NINL: variants seen among roughly 807,000 people sequenced by gnomAD.
The protein encoded by NINL is ninein-like protein.
NINL carries 153 observed loss-of-function variants against 160.3 expected under a neutral mutation model. That is an observed-to-expected ratio of 0.95 (90% CI 0.84 to 1.09). NINL has a LOEUF of 1.09. Ranked by LOEUF, NINL falls within the 50% of genes least tolerant of loss-of-function variation. The probability of loss-of-function intolerance (pLI) is 0.00; values close to 1 mark genes in which losing one functional copy is unlikely to be tolerated. For missense variants in NINL, 1,829 were observed against 1,764.0 expected (o/e 1.04, Z -0.66); for synonymous variants, 800 against 734.8 (o/e 1.09, Z -1.43).
intron 19 of NINL, among the ~76,000 whole-genome samples, chr20:25,464,777 T>G (rs984013032): frequency 2.0e-5 from 3 of 152,206 alleles, no homozygotes; most frequent in African/African-American, 7.2e-5. Flanking sequence ...TGTTTCAGCC[T>G]CCTCAAATGT....
Position 25,476,445 on chromosome 20 carries a change from T to C in NINL, c.2846A>G (p.Asp949Gly). The C allele has an allele frequency of 6.2e-7, 1 of 1,607,908 alleles. No homozygotes were observed. Among genetic ancestry groups the C allele is most frequent in the Non-Finnish European group, 8.5e-7 (1 of 1,179,226 alleles). Reference sequence around the variant, plus strand: ...CATCCGTGGCTGGGTTTGCGAGGCGTCTCTCTCTGTTCCCAGCAGAGGCAG... The same window carrying C: ...CATCCGTGGCTGGGTTTGCGAGGCGCCTCTCTCTGTTCCCAGCAGAGGCAG... ...RELPLLGTER[D>G]ASQTQPRMWE... is the part of the protein sequence containing the mutation. The change falls in exon 17 of 24, where the codon GAC becomes GGC. Residue 949 changes from aspartate to glycine, a missense_variant. Asp to Gly is a moderately conservative substitution (Grantham distance 94). Coordinates refer to ENST00000278886, the MANE Select transcript of NINL (RefSeq NM_025176.6).
chr20:25,470,006 G>A lies in NINL; in HGVS notation c.3338C>T (p.Thr1113Ile), dbSNP rs145770114. ...VRQELEAAES[T>I]HDAQRKEIEV... ...TGGCCCTTACCTCTGTGCATCGTGAGTACTTTCTGCAGCTTCAAGCTCTTG... is the reference window on the plus strand; with the variant it reads ...TGGCCCTTACCTCTGTGCATCGTGAATACTTTCTGCAGCTTCAAGCTCTTG... The change falls in exon 18 of 24, where the codon ACT (threonine) becomes ATT (isoleucine). Residue 1113 changes from threonine to isoleucine, a missense_variant. Transcript: ENST00000278886. The A allele has an allele frequency of 6.2e-7, 1 of 1,614,014 alleles. No homozygotes were observed. Among genetic ancestry groups the A allele is most frequent in the Admixed American group, 1.7e-5 (1 of 60,036 alleles).
intron 1 of NINL, among the ~76,000 whole-genome samples, chr20:25,551,668 C>T (rs1226790209): frequency 6.6e-6 from 1 of 152,126 alleles, no homozygotes; most frequent in Non-Finnish European, 1.5e-5. Flanking sequence ...AACGGTTATT[C>T]TTATGAGGCT....
chr20:25,545,201 G>C (rs1219755901), intron 1 of NINL, among the ~76,000 whole-genome samples: 1 of 152,226 alleles, frequency 6.6e-6, no homozygotes, highest in Non-Finnish European at 1.5e-5. Context: ...CATGGGCCTT[G>C]AGCTGGTGCC....
At chr20:25,496,926 G>C in intron 9 of NINL, 123 bp from the exon 10 acceptor site, 1 of 1,280,122 alleles carries the variant, frequency 7.8e-7, no homozygotes, top group African/African-American at 1.5e-5. Flanking sequence ...TATACAGCGG[G>C]CACTGCTCCA....
In NINL at chr20:25,494,029, G is replaced by A. The variant is rs1601139116; in HGVS notation, c.1311-2504C>T. Among the ~76,000 whole-genome samples the A allele has an allele frequency of 2.0e-5, 3 of 151,990 alleles. No individual in the cohort carries two copies. In the South Asian group the frequency reaches 6.2e-4, roughly 32 times the overall value. On this transcript the variant is annotated intron_variant, in intron 10 of 23. Coordinates refer to ENST00000278886, the MANE Select transcript of NINL (RefSeq NM_025176.6). The stretch of plus-strand genomic sequence containing the variant: ...CACAGGAGCCAGTGGCACCAAGAAC[G>A]TACACTCCAGGGGGCCCACAGGCCG...
At chr20:25,558,584 AT>A (rs1336380559) in intron 1 of NINL, among the ~76,000 whole-genome samples, 1 of 152,250 alleles carries the variant, frequency 6.6e-6, no homozygotes, top group Non-Finnish European at 1.5e-5. Flanking sequence ...GACTAAGGTA[AT>A]TTGCAATGAT....
intron 16 of NINL, 138 bp downstream of exon 16, chr20:25,478,785 G>T: frequency 1.1e-6 from 1 of 883,106 alleles, no homozygotes; most frequent in South Asian, 2.0e-5. Context: ...TGTTCTTTTG[G>T]CACTCACCCA....
Position 25,557,871 on chromosome 20 carries a change from G to A in NINL, c.-12+27584C>T, listed in dbSNP as rs142228003. ...GGGCTGGGCGCAGTGGCTCACGCTT[G>A]TAATCCCAGCACTTTGGAAGGCCGA... On this transcript the variant is annotated intron_variant, in intron 1 of 23. Transcript: ENST00000278886. Among the ~76,000 whole-genome samples, 26 of 151,842 alleles carry A rather than the reference G, an allele frequency of 1.7e-4. No homozygotes were observed. The East Asian group carries it at 4.7e-3, about 27-fold the overall frequency.
At chr20:25,562,171 T>TA (rs2064951037) in intron 1 of NINL, among the ~76,000 whole-genome samples, 1 of 124,414 alleles carries the variant, frequency 8.0e-6, no homozygotes, top group African/African-American at 3.1e-5. Flanking sequence ...GGGAGGGAGG[T>TA]GGGGGGTCAG....
chr20:25,459,243 C>A lies in NINL; in HGVS notation c.3697-714G>T, dbSNP rs2090774363. 2.0e-5 allele frequency among the ~76,000 whole-genome samples: 3 copies of A among 152,160 alleles called. No individual in the cohort carries two copies. The South Asian group carries it at 6.2e-4, about 32-fold the overall frequency. ...CCATCGGGGTCATATTTGGGCTGGG[C>A]CTGACATCACCACATGGTGGAGGAA... is the stretch of plus-strand genomic sequence containing the variant. On this transcript the variant is annotated intron_variant, in intron 21 of 23. Coordinates refer to ENST00000278886, the MANE Select transcript of NINL (RefSeq NM_025176.6).
chr20:25,522,216 A>G (rs2064276612), intron 2 of NINL, among the ~76,000 whole-genome samples: 1 of 152,170 alleles, frequency 6.6e-6, no homozygotes, highest in African/African-American at 2.4e-5. Flanking sequence ...CCTATCGCAG[A>G]TTTTTTGACT....
intron 1 of NINL, among the ~76,000 whole-genome samples, chr20:25,531,077 T>C (rs1221315629): frequency 6.6e-6 from 1 of 152,176 alleles, no homozygotes; most frequent in Non-Finnish European, 1.5e-5. Context: ...AGGCCCACCC[T>C]CAGGGACGCA....
At chr20:25,532,914 C>A (rs1201274757) in intron 1 of NINL, among the ~76,000 whole-genome samples, 9 of 151,292 alleles carry the variant, frequency 5.9e-5, no homozygotes, top group African/African-American at 1.5e-4. Flanking sequence ...TCAAATACCC[C>A]ATGACCAACC....
chr20:25,498,278 G>C lies in NINL; in HGVS notation c.1101C>G (p.Leu367=). Residue 367 remains leucine (L), a synonymous_variant, in exon 9 of 24, where the codon CTC becomes CTG. Transcript: ENST00000278886. ...GCTGGACGGCACTGTCCACTGTCAT[G>C]AGCTCGTTGTCAAGGGCCCAGGTCA... ...LELTWALDNE[L]MTVDSAVQQA... 1 of 1,613,454 alleles carries C rather than the reference G, an allele frequency of 6.2e-7. No homozygotes were observed. The highest frequency in any genetic ancestry group is 8.5e-7 in the Non-Finnish European group (1 of 1,180,026).
chr20:25,556,371 C>A lies in NINL; in HGVS notation c.-12+29084G>T, dbSNP rs1008619711. On this transcript the variant is annotated intron_variant, in intron 1 of 23. Transcript: ENST00000278886. ...GGGTACAGTGGCTCATGCCTGTAAT[C>A]CCAGCACTTTGTGAAGTCAAAGTGG... 3.3e-5 allele frequency among the ~76,000 whole-genome samples: 5 copies of A among 152,260 alleles called. No individual in the cohort carries two copies. The East Asian group carries it at 9.6e-4, about 29-fold the overall frequency.
At position 25,476,170 on chromosome 20, in the gene NINL, C is replaced by A. The variant is rs1439412111; in HGVS notation, c.3121G>T (p.Ala1041Ser). 2 of 1,614,238 alleles carry A rather than the reference C, an allele frequency of 1.2e-6. No homozygotes were observed. Among genetic ancestry groups the A allele is most frequent in the African/African-American group, 1.3e-5 (1 of 75,066 alleles). Residue 1041 changes from alanine (A) to serine (S), a missense_variant, in exon 17 of 24, where the codon GCC (alanine) becomes TCC (serine). By Grantham distance (99) the Ala-to-Ser change is moderately conservative. Coordinates refer to ENST00000278886, the MANE Select transcript of NINL (RefSeq NM_025176.6). The part of the protein sequence containing the change: ...PQGSWQEQLA[A>S]PEEGETKIAL... ...ATTTTGGTCTCCCCCTCTTCTGGGG[C>A]AGCAAGCTGCTCCTGCCAGGAACCC...
intron 13 of NINL, 53 bp from the exon 14 acceptor site, chr20:25,482,153 GCGAGCTGGC>G (rs781229239): frequency 3.8e-5 from 59 of 1,564,502 alleles, no homozygotes; most frequent in South Asian, 1.7e-4. Flanking sequence ...ATTCAGCCCA[GCGAGCTGGC>G]CGAGCTGGCC....
chr20:25,478,879 G>T, intron 16 of NINL, 44 bp downstream of exon 16: 1 of 1,478,550 alleles, frequency 6.8e-7, no homozygotes, highest in Non-Finnish European at 8.9e-7. Flanking sequence ...TTGGTTCTTG[G>T]CAAGAAACCC....
Sources: allele counts gnomAD v4.1 joint callset (sites outside exome capture counted in the v4.1 genomes callset), GRCh38; gene constraint gnomAD v4.1.1; transcripts MANE v1.5; gene names NCBI Gene and HGNC (gene_info 2026-07-23, HGNC 2026-07-21).